CTNNA3: variants seen among roughly 807,000 people sequenced by gnomAD.
CTNNA3 encodes catenin alpha-3.
A neutral mutation model predicts 95.7 loss-of-function variants in CTNNA3; 76 were observed. The observed-to-expected ratio is 0.79, with a 90% CI of 0.66 to 0.96. The LOEUF is 0.96. CTNNA3 is among the 40% of genes least tolerant of loss of function. The pLI is 0.00. For synonymous variants in CTNNA3, 431 were observed against 374.4 expected (o/e 1.15, Z -1.74); for missense variants, 1,191 against 1,089.8 (o/e 1.09, Z -1.31).
intron 7 of CTNNA3, among the ~76,000 whole-genome samples, chr10:66,992,085 C>G (rs1851072586): frequency 6.6e-6 from 1 of 152,170 alleles, no homozygotes; most frequent in Non-Finnish European, 1.5e-5. Context: ...TCAGCCTTAT[C>G]AGATGTTGCC....
At chr10:67,637,017 T>C (rs2133450492) in intron 2 of CTNNA3, among the ~76,000 whole-genome samples, 1 of 152,264 alleles carries the variant, frequency 6.6e-6, no homozygotes, top group South Asian at 2.1e-4. Context: ...GCATGGAGAA[T>C]GACTTTGATG....
Position 67,606,839 on chromosome 10 carries a change from C to A in CTNNA3, c.292+18G>T. 1.3e-6 allele frequency: 2 copies of A among 1,592,718 alleles called. No individual in the cohort carries two copies. The highest frequency in any genetic ancestry group is 1.4e-5 in the African/African-American group (1 of 73,948). On this transcript the variant is annotated intron_variant, in intron 3 of 17. Transcript: ENST00000433211. ...TAAAGATATGCAGTTTGCTCCTGAC[C>A]AGGATTGGAGTACTCACTTTCTTTG...
At chr10:66,763,358 A>AGAGAGAGAGG (rs1839693916) in intron 9 of CTNNA3, among the ~76,000 whole-genome samples, 1 of 151,558 alleles carries the variant, frequency 6.6e-6, no homozygotes, top group African/African-American at 2.4e-5. Flanking sequence ...AGAGAGGGAG[A>AGAGAGAGAGG]GAGAGAGAAA....
intron 5 of CTNNA3, among the ~76,000 whole-genome samples, chr10:67,488,733 G>A (rs182106831): frequency 3.7e-4 from 54 of 145,538 alleles, no homozygotes; most frequent in African/African-American, 1.3e-3. Flanking sequence ...GCAATGGCAC[G>A]ATCTCAGCTC....
intron 7 of CTNNA3, among the ~76,000 whole-genome samples, chr10:67,162,279 A>T (rs1447423776): frequency 6.6e-6 from 1 of 152,040 alleles, no homozygotes; most frequent in Non-Finnish European, 1.5e-5. Flanking sequence ...TCTCAAGACC[A>T]CGAGTGGGAC....
chr10:66,128,701 T>G (rs1027006242), intron 13 of CTNNA3, among the ~76,000 whole-genome samples: 18 of 152,200 alleles, frequency 1.2e-4, no homozygotes, highest in Non-Finnish European at 2.4e-4. Context: ...CTACTTTCAT[T>G]ACATTATGAT....
chr10:66,421,752 C>A (rs1191437014), intron 11 of CTNNA3, among the ~76,000 whole-genome samples: 2 of 148,728 alleles, frequency 1.3e-5, no homozygotes, highest in Non-Finnish European at 3.0e-5. Context: ...AAAGAAATGG[C>A]TGAACCCGAG....
At chr10:67,713,831 C>G (rs3125307) in intron 1 of CTNNA3, among the ~76,000 whole-genome samples, 1 of 149,432 alleles carries the variant, frequency 6.7e-6, no homozygotes, top group Admixed American at 6.6e-5. Flanking sequence ...AAATACCTAA[C>G]GCATGAGGGA....
chr10:66,072,412 C>A (rs1407937749), intron 14 of CTNNA3, among the ~76,000 whole-genome samples: 1 of 151,620 alleles, frequency 6.6e-6, no homozygotes, highest in Admixed American at 6.6e-5. Context: ...CCTGAAAGTG[C>A]TGACCAAGTG....
chr10:66,642,257 C>T (rs1199486098), intron 9 of CTNNA3, among the ~76,000 whole-genome samples: 2 of 65,662 alleles, frequency 3.0e-5, no homozygotes, highest in Non-Finnish European at 6.7e-5. Flanking sequence ...CTTTAAAATA[C>T]ACACACACAC....
intron 16 of CTNNA3, among the ~76,000 whole-genome samples, chr10:65,986,896 C>A (rs1160354380): frequency 6.7e-6 from 1 of 149,802 alleles, no homozygotes; most frequent in Admixed American, 6.6e-5. Flanking sequence ...ATGGAGAACC[C>A]AAAAATAAAT....
At chr10:67,196,548 G>A (rs188798702) in intron 6 of CTNNA3, among the ~76,000 whole-genome samples, 46 of 152,084 alleles carry the variant, frequency 3.0e-4, no homozygotes, top group African/African-American at 1.0e-3. Context: ...TGTAATGATG[G>A]TTAAACCAGA....
intron 13 of CTNNA3, among the ~76,000 whole-genome samples, chr10:66,117,698 C>G (rs1187713647): frequency 6.6e-6 from 1 of 152,198 alleles, no homozygotes; most frequent in Non-Finnish European, 1.5e-5. Context: ...AAATGTGATT[C>G]TCCTATCACT....
chr10:67,364,457 G>C (rs1737198998), intron 5 of CTNNA3, among the ~76,000 whole-genome samples: 1 of 152,148 alleles, frequency 6.6e-6, no homozygotes, highest in African/African-American at 2.4e-5. Flanking sequence ...ATGTAGTGTT[G>C]GAAGTCCTGG....
At chr10:67,250,210 C>G (rs868521150) in intron 5 of CTNNA3, among the ~76,000 whole-genome samples, 42 of 151,740 alleles carry the variant, frequency 2.8e-4, no homozygotes, top group Middle Eastern at 3.4e-3. Context: ...TCTAAGTATA[C>G]AGAGGGCCAA....
intron 11 of CTNNA3, among the ~76,000 whole-genome samples, chr10:66,504,814 A>G (rs921182201): frequency 5.3e-5 from 8 of 152,194 alleles, no homozygotes; most frequent in African/African-American, 1.9e-4. Flanking sequence ...ATATCTGGCC[A>G]TTGAAAATAA....
intron 15 of CTNNA3, among the ~76,000 whole-genome samples, chr10:66,044,121 A>C (rs1410350534): frequency 1.3e-5 from 2 of 152,050 alleles, no homozygotes; most frequent in Admixed American, 1.3e-4. Context: ...CAGCCTCCCA[A>C]GTAGTTGGGA....
At chr10:65,958,070 G>A (rs2077768898) in intron 17 of CTNNA3, among the ~76,000 whole-genome samples, 1 of 151,056 alleles carries the variant, frequency 6.6e-6, no homozygotes, top group Admixed American at 6.6e-5. Flanking sequence ...TTTCTTGGAG[G>A]CTTTATTTGT....
chr10:65,985,628 C>T (rs1818890413), intron 16 of CTNNA3, among the ~76,000 whole-genome samples: 1 of 151,130 alleles, frequency 6.6e-6, no homozygotes, highest in African/African-American at 2.4e-5. Flanking sequence ...ACACAGAAAA[C>T]CTAACATTAT....
Sources: allele counts gnomAD v4.1 joint callset (sites outside exome capture counted in the v4.1 genomes callset), GRCh38; gene constraint gnomAD v4.1.1; transcripts MANE v1.5; gene names NCBI Gene and HGNC (gene_info 2026-07-23, HGNC 2026-07-21).